TMCC1: variants seen among roughly 807,000 people sequenced by gnomAD.
TMCC1 encodes transmembrane and coiled-coil domain family 1, also known as transmembrane and coiled-coil domains protein 1.
A neutral mutation model predicts 52.4 loss-of-function variants in TMCC1; 15 were observed. The observed-to-expected ratio is 0.29, with a 90% CI of 0.19 to 0.44. The LOEUF is 0.44. TMCC1 is among the 20% of genes least tolerant of loss of function. The probability of loss-of-function intolerance (pLI) is 1.00; values close to 1 mark genes in which losing one functional copy is unlikely to be tolerated. For synonymous variants in TMCC1, 279 were observed against 301.9 expected (o/e 0.92, Z 0.79); for missense variants, 503 against 806.0 (o/e 0.62, Z 4.55).
In TMCC1 at chr3:129,880,359, A is replaced by T. The variant is rs2107992113; in HGVS notation, c.-234T>A. 6.6e-6 allele frequency: 1 copy of T among 152,342 alleles called. No homozygotes were observed. The highest frequency in any genetic ancestry group is 2.1e-4 in the South Asian group (1 of 4,832). The allele number at this position is 152,342 out of a possible 1,614,324, so 9.4% of individuals were successfully genotyped here. A position where few individuals can be genotyped will look rare whatever the true frequency, so the allele number is the denominator to read the frequency against. On this transcript the variant is annotated 5_prime_UTR_variant, in exon 2 of 7. Coordinates refer to ENST00000393238, the MANE Select transcript of TMCC1 (RefSeq NM_001017395.5). Reference sequence around the variant, plus strand: ...CCCTTTCTTTGCATAGGTGAGGATGAACAGTTGTAATCCAAAAGGTTTCCC... The same window carrying T: ...CCCTTTCTTTGCATAGGTGAGGATGTACAGTTGTAATCCAAAAGGTTTCCC...
intron 4 of TMCC1, among the ~76,000 whole-genome samples, chr3:129,699,046 A>G (rs2047620777): frequency 6.6e-6 from 1 of 152,166 alleles, no homozygotes; most frequent in Non-Finnish European, 1.5e-5. Context: ...TACATGGAAG[A>G]TTTCCTTTGA....
At chr3:129,713,468 A>G (rs2048846167) in intron 4 of TMCC1, among the ~76,000 whole-genome samples, 1 of 152,226 alleles carries the variant, frequency 6.6e-6, no homozygotes, top group African/African-American at 2.4e-5. Flanking sequence ...AATGATATAA[A>G]ATGGAAAGGC....
rs2087477499 is a variant in TMCC1, at chr3:129,666,622, C to A, written c.1511+3708G>T. Among the ~76,000 whole-genome samples, 5 of 152,176 alleles carry A rather than the reference C, an allele frequency of 3.3e-5. No individual in the cohort carries two copies. The South Asian group carries it at 1.0e-3, about 32-fold the overall frequency. ...GGGCGTGGTGGCAGACACCTGTAATCCCAGCTACTGGGGAGGCTAAGGCAG... is the reference window on the plus strand; with the variant it reads ...GGGCGTGGTGGCAGACACCTGTAATACCAGCTACTGGGGAGGCTAAGGCAG... On this transcript the variant is annotated intron_variant, in intron 5 of 6. Transcript: ENST00000393238.
intron 2 of TMCC1, among the ~76,000 whole-genome samples, chr3:129,858,480 C>G (rs532736124): frequency 6.6e-6 from 1 of 152,314 alleles, no homozygotes; most frequent in Non-Finnish European, 1.5e-5. Context: ...TAGTCATCCT[C>G]CCACCTCAGC....
chr3:129,821,066 T>C (rs2058393779), intron 4 of TMCC1, among the ~76,000 whole-genome samples: 1 of 152,232 alleles, frequency 6.6e-6, no homozygotes, highest in Non-Finnish European at 1.5e-5. Context: ...TCAAGTTTTT[T>C]TCTTATGTGT....
intron 4 of TMCC1, among the ~76,000 whole-genome samples, chr3:129,738,999 T>C (rs1363124792): frequency 6.6e-6 from 1 of 151,966 alleles, no homozygotes; most frequent in African/African-American, 2.4e-5. Flanking sequence ...GTATTTTTTG[T>C]AGAGATGGGG....
At chr3:129,793,516 A>C (rs769506358) in intron 4 of TMCC1, among the ~76,000 whole-genome samples, 9 of 152,208 alleles carry the variant, frequency 5.9e-5, no homozygotes, top group Non-Finnish European at 1.0e-4. Context: ...ACCAACTGCT[A>C]CATTTTTTAA....
At chr3:129,695,297 G>A (rs964180016) in intron 4 of TMCC1, among the ~76,000 whole-genome samples, 5 of 152,018 alleles carry the variant, frequency 3.3e-5, no homozygotes, top group African/African-American at 9.7e-5. Context: ...ATAAAGATGT[G>A]AATCTTTGTC....
chr3:129,829,503 T>C (rs1006664669), intron 3 of TMCC1, among the ~76,000 whole-genome samples: 5 of 151,520 alleles, frequency 3.3e-5, no homozygotes, highest in African/African-American at 4.8e-5. Flanking sequence ...TGATGAGATT[T>C]TTCCTAATAG....
intron 4 of TMCC1, among the ~76,000 whole-genome samples, chr3:129,676,644 T>C (rs1576408381): frequency 1.3e-5 from 2 of 152,124 alleles, no homozygotes; most frequent in East Asian, 1.9e-4. Flanking sequence ...CAGAACACAA[T>C]AGCACCCAGC....
chr3:129,654,033 C>T (rs1039499745), intron 6 of TMCC1, among the ~76,000 whole-genome samples: 1 of 152,112 alleles, frequency 6.6e-6, no homozygotes, highest in Non-Finnish European at 1.5e-5. Flanking sequence ...TCCCCCCAAC[C>T]CCCCCAAAAA....
At chr3:129,732,478 C>T (rs1415356304) in intron 4 of TMCC1, among the ~76,000 whole-genome samples, 2 of 152,144 alleles carry the variant, frequency 1.3e-5, no homozygotes, top group African/African-American at 4.8e-5. Flanking sequence ...TTTCTGCATG[C>T]AGACTGCATG....
intron 4 of TMCC1, among the ~76,000 whole-genome samples, chr3:129,788,310 T>C (rs1300205625): frequency 1.3e-5 from 2 of 152,332 alleles, no homozygotes; most frequent in East Asian, 3.9e-4. Context: ...TTAAATGGCA[T>C]CAATATCATG....
rs1460918931 is a variant in TMCC1 at position 129,649,652 on chromosome 3, C to T, written c.*1829G>A. 1.3e-5 allele frequency: 2 copies of T among 152,562 alleles called. No individual in the cohort carries two copies. The highest frequency in any genetic ancestry group is 6.5e-5 in the Admixed American group (1 of 15,278). 9.5% of individuals were successfully genotyped at this position (152,562 alleles called of 1,614,324 possible). A position where few individuals can be genotyped will look rare whatever the true frequency, so the allele number is the denominator to read the frequency against. On this transcript the variant is annotated 3_prime_UTR_variant, in exon 7 of 7. Coordinates refer to ENST00000393238, the MANE Select transcript of TMCC1 (RefSeq NM_001017395.5). ...CCATTAGGTAAACTGTCCTTTCAGA[C>T]AGGCAGGGCAATGCTAATCTAGTTC...
intron 4 of TMCC1, among the ~76,000 whole-genome samples, chr3:129,675,652 T>C (rs1003921468): frequency 6.6e-6 from 1 of 152,170 alleles, no homozygotes; most frequent in Non-Finnish European, 1.5e-5. Flanking sequence ...ATAATGTAAT[T>C]CAACATTACA....
intron 4 of TMCC1, among the ~76,000 whole-genome samples, chr3:129,811,948 TA>T (rs538444532): frequency 4.5e-3 from 594 of 131,780 alleles, no homozygotes; most frequent in Non-Finnish European, 4.2e-3. Context: ...TGCCTCAATT[TA>T]AAAAAAAAAA....
At chr3:129,818,090 G>A (rs1341213632) in intron 4 of TMCC1, among the ~76,000 whole-genome samples, 4 of 151,956 alleles carry the variant, frequency 2.6e-5, no homozygotes, top group South Asian at 2.1e-4. Flanking sequence ...GATTACAGTC[G>A]TGAGCCACCG....
At chr3:129,753,233 A>G (rs1383931643) in intron 4 of TMCC1, among the ~76,000 whole-genome samples, 5 of 152,214 alleles carry the variant, frequency 3.3e-5, no homozygotes, top group Admixed American at 3.3e-4. Flanking sequence ...AAAATGTACA[A>G]TTTTCCAAAT....
At chr3:129,812,639 G>A (rs1003912186) in intron 4 of TMCC1, among the ~76,000 whole-genome samples, 5 of 152,032 alleles carry the variant, frequency 3.3e-5, no homozygotes, top group African/African-American at 1.2e-4. Flanking sequence ...TAAGGTTATT[G>A]TTTTTAAGGT....
Sources: gnomAD v4.1 joint callset for allele counts (sites outside exome capture counted in the v4.1 genomes callset) on GRCh38, gnomAD v4.1.1 for gene constraint, MANE v1.5 for transcripts, NCBI Gene and HGNC (gene_info 2026-07-23, HGNC 2026-07-21) for gene names.